The following TFR2 variants were observed in gnomAD, a reference collection of about 807,000 sequenced individuals.
TFR2 encodes the protein transferrin receptor 2, also known as transferrin receptor protein 2.
In TFR2, 64 loss-of-function variants were observed where a neutral mutation model predicts 91.9. The ratio of observed to expected loss-of-function variants is 0.70; its 90% CI spans 0.57 to 0.86. The LOEUF is 0.86. Among genes scored for constraint, TFR2 ranks in the 40% least tolerant of loss-of-function variants. The pLI is 0.00. For missense variants in TFR2, 950 were observed against 1,080.5 expected (o/e 0.88, Z 1.69); for synonymous variants, 454 against 459.6 (o/e 0.99, Z 0.15).
At chr7:100,638,338 G>A (rs755864975) in intron 3 of TFR2, among the ~76,000 whole-genome samples, 26 of 152,132 alleles carry the variant, frequency 1.7e-4, no homozygotes, top group Non-Finnish European at 2.1e-4. Flanking sequence ...CAGGCTGGGT[G>A]CGGTACCTCA....
intron 1 of TFR2, 87 bp downstream of exon 1, chr7:100,641,390 A>G (rs952516243): frequency 7.1e-5 from 112 of 1,571,664 alleles, no homozygotes; most frequent in Non-Finnish European, 9.7e-5. Context: ...GACACGGTCC[A>G]GGAGGGGCCA....
At chr7:100,621,451 T>C (rs1385886718) in intron 17 of TFR2, among the ~76,000 whole-genome samples, 5 of 152,022 alleles carry the variant, frequency 3.3e-5, no homozygotes, top group Admixed American at 6.6e-5. Flanking sequence ...ACGGGGTTTC[T>C]CCGTGTTGGC....
At chr7:100,622,040 A>G (rs1562835578) in intron 17 of TFR2, among the ~76,000 whole-genome samples, 1 of 151,834 alleles carries the variant, frequency 6.6e-6, no homozygotes, top group Non-Finnish European at 1.5e-5. Context: ...CACATCTTTT[A>G]TTTTTAGAGA....
At chr7:100,631,093 AC>A in intron 8 of TFR2, 41 bp from the exon 9 acceptor site, 1 of 1,490,090 alleles carries the variant, frequency 6.7e-7, no homozygotes, top group South Asian at 1.4e-5. Context: ...TTGTAGAGAG[AC>A]CCAGAAGAGT....
At position 100,620,564 on chromosome 7, in the gene TFR2, T is replaced by G; in HGVS notation, c.*293A>C. On this transcript the variant is annotated 3_prime_UTR_variant, in exon 18 of 18. Transcript: ENST00000223051. The stretch of plus-strand genomic sequence containing the variant: ...CCAGGGCCTAGCAAACCTCCCAGAG[T>G]GGTCTCTAGGTATGGAGGACCCCAG... 1 of 356,826 alleles carries G rather than the reference T, an allele frequency of 2.8e-6. No homozygotes were observed. 22.1% of individuals were successfully genotyped at this position (356,826 alleles called of 1,614,324 possible). A position where few individuals can be genotyped will look rare whatever the true frequency, so the allele number is the denominator to read the frequency against.
intron 9 of TFR2, among the ~76,000 whole-genome samples, chr7:100,629,659 G>A (rs1457067021): frequency 6.6e-6 from 1 of 152,224 alleles, no homozygotes; most frequent in Non-Finnish European, 1.5e-5. Context: ...CCTGGCTCAA[G>A]CCATCCTCCT....
In TFR2 at chr7:100,641,224, T is replaced by C. The variant is rs1459661492; in HGVS notation, c.38A>G (p.Gln13Arg). ...GGTCTGAGAGGATCTTGGGGACAGT[T>C]GTTGCTGTGCAGGCGAGGTGGGCAT... Reference protein sequence around the residue: ...RLWGLFQRAQQLSPRSSQTVY... With the variant: ...RLWGLFQRAQRLSPRSSQTVY... The change falls in exon 2 of 18, where the codon CAA (glutamine) becomes CGA (arginine). Residue 13 changes from glutamine to arginine, a missense_variant. Gln to Arg is a conservative substitution (Grantham distance 43). Transcript: ENST00000223051. The C allele has an allele frequency of 6.5e-6, 10 of 1,537,316 alleles. No homozygotes were observed. The highest frequency in any genetic ancestry group is 8.8e-6 in the Non-Finnish European group (10 of 1,139,540).
At chr7:100,628,801 C>T (rs1322588828) in intron 10 of TFR2, among the ~76,000 whole-genome samples, 1 of 151,592 alleles carries the variant, frequency 6.6e-6, no homozygotes, top group Admixed American at 6.6e-5. Flanking sequence ...GAGGCTCATT[C>T]TGTTGCCCAG....
intron 1 of TFR2, 100 bp downstream of exon 1, chr7:100,641,377 C>T (rs1374264747): frequency 3.2e-6 from 5 of 1,540,100 alleles, no homozygotes; most frequent in Non-Finnish European, 3.5e-6. Context: ...GAAGCGAGGT[C>T]AGGACACGGT....
At position 100,632,281 on chromosome 7, in the gene TFR2, C is replaced by T. The variant is rs866347693; in HGVS notation, c.850-83G>A. The T allele has an allele frequency of 7.0e-6, 9 of 1,278,438 alleles. No homozygotes were observed. The Middle Eastern group carries it at 9.0e-4, about 127-fold the overall frequency. The allele number at this position is 1,278,438 out of a possible 1,614,324, so 79.2% of individuals were successfully genotyped here. ...AGGAGAAACCAGGAAATGGCAAGGC[C>T]TTTGCTTGCAACTGTCCATCCCACG... On this transcript the variant is annotated intron_variant, in intron 6 of 17. Coordinates refer to ENST00000223051, the MANE Select transcript of TFR2 (RefSeq NM_003227.4).
At chr7:100,621,361 C>A (rs1803106819) in intron 17 of TFR2, among the ~76,000 whole-genome samples, 1 of 152,182 alleles carries the variant, frequency 6.6e-6, no homozygotes, top group African/African-American at 2.4e-5. Flanking sequence ...TCAAGCGATT[C>A]TCCTGCCTCA....
chr7:100,627,360 G>C lies in TFR2; in HGVS notation c.1899C>G (p.Leu633=), dbSNP rs1446194909. 6.4e-7 allele frequency: 1 copy of C among 1,552,794 alleles called. No homozygotes were observed. The highest frequency in any genetic ancestry group is 2.0e-5 in the Admixed American group (1 of 51,052). The stretch of plus-strand genomic sequence containing the variant: ...CGAGGGGCAGCAGGCGATCGTGGCT[G>C]AGCCGGATGAGGAGCTGCCCTGCGA... ...AQLAGQLLIR[L]SHDRLLPLDF... The change falls in exon 16 of 18, where the codon CTC becomes CTG. Residue 633 remains leucine (L), a synonymous_variant. Coordinates refer to ENST00000223051, the MANE Select transcript of TFR2 (RefSeq NM_003227.4).
chr7:100,626,267 T>C (rs753144380), intron 17 of TFR2, among the ~76,000 whole-genome samples: 5 of 152,158 alleles, frequency 3.3e-5, no homozygotes, highest in Non-Finnish European at 7.4e-5. Context: ...TAAGCTCTTG[T>C]TTAACTTTCA....
Position 100,631,878 on chromosome 7 carries a change from G to A in TFR2, c.1034C>T (p.Pro345Leu). Reference sequence around the variant, plus strand: ...GCTGGGAAGGCCTGATGATGCAACTGGAGGGAACTGGGTTTGATTGAAGGA... The same window carrying A: ...GCTGGGAAGGCCTGATGATGCAACTAGAGGGAACTGGGTTTGATTGAAGGA... Reference protein sequence around the residue: ...FPSFNQTQFPPVASSGLPSIP... With the variant: ...FPSFNQTQFPLVASSGLPSIP... Residue 345 changes from proline (P) to leucine (L), a missense_variant, in exon 8 of 18, where the codon CCA becomes CTA. Transcript: ENST00000223051. 1.2e-6 allele frequency: 2 copies of A among 1,613,988 alleles called. No homozygotes were observed. The highest frequency in any genetic ancestry group is 1.7e-6 in the Non-Finnish European group (2 of 1,180,000).
rs1004353651 is a variant in TFR2 at position 100,627,411 on chromosome 7, G to A, written c.1848C>T (p.Pro616=). 14 of 1,570,986 alleles carry A rather than the reference G, an allele frequency of 8.9e-6. No individual in the cohort carries two copies. Among genetic ancestry groups the A allele is most frequent in the African/African-American group, 1.4e-5 (1 of 74,036 alleles). The stretch of plus-strand genomic sequence containing the variant: ...GCTGGGCCACGGCCTGGGCCACGGC[G>A]GGCAGGCGGCCTTGCAGCACCTTAT... ...NLHKVLQGRL[P]AVAQAVAQLA... Residue 616 remains proline (P), a synonymous_variant, in exon 16 of 18, where the codon CCC becomes CCT. Transcript: ENST00000223051.
Position 100,627,836 on chromosome 7 carries a change from G to A in TFR2, c.1606-16C>T. 2 of 1,614,100 alleles carry A rather than the reference G, an allele frequency of 1.2e-6. No homozygotes were observed. Among genetic ancestry groups the A allele is most frequent in the South Asian group, 2.2e-5 (2 of 91,086 alleles). On this transcript the variant is annotated splice_polypyrimidine_tract_variant and intron_variant, in intron 13 of 17. Transcript: ENST00000223051. ...GAGAATCCACCTGGGGGTTGGGGAA[G>A]GGCACTGATCAGGCTCTGCTCCTCC...
At chr7:100,629,227 G>C (rs1329834456) in intron 10 of TFR2, 26 bp downstream of exon 10, 2 of 1,612,980 alleles carry the variant, frequency 1.2e-6, no homozygotes, top group Non-Finnish European at 1.7e-6. Context: ...GCCTAGCCCA[G>C]GCCCAGGCCC....
intron 3 of TFR2, among the ~76,000 whole-genome samples, chr7:100,639,579 G>GAAA (rs371949132): frequency 1.5e-5 from 2 of 133,464 alleles, no homozygotes; most frequent in Admixed American, 7.6e-5. Flanking sequence ...AATGAGAAAT[G>GAAA]AAAAAAAAAA....
intron 3 of TFR2, among the ~76,000 whole-genome samples, chr7:100,638,340 G>A (rs1243740710): frequency 2.0e-5 from 3 of 152,036 alleles, no homozygotes; most frequent in South Asian, 2.1e-4. Flanking sequence ...GGCTGGGTGC[G>A]GTACCTCATT....
Sources: allele counts gnomAD v4.1 joint callset (sites outside exome capture counted in the v4.1 genomes callset), GRCh38; gene constraint gnomAD v4.1.1; transcripts MANE v1.5; gene names NCBI Gene and HGNC (gene_info 2026-07-23, HGNC 2026-07-21).